Variants in UBAC2 observed in about 807,000 individuals in gnomAD.
UBAC2 encodes ubiquitin-associated domain-containing protein 2.
In UBAC2, 26 loss-of-function variants were observed where a neutral mutation model predicts 44.0. That is an observed-to-expected ratio of 0.59 (90% CI 0.43 to 0.82). The LOEUF is 0.82. UBAC2 is among the 40% of genes least tolerant of loss of function. The probability of loss-of-function intolerance (pLI) is 0.00; values close to 1 mark genes in which losing one functional copy is unlikely to be tolerated. For synonymous variants in UBAC2, 155 were observed against 154.3 expected, an observed-to-expected ratio of 1.00 and a Z score of -0.04; for missense variants, 329 against 419.4, an observed-to-expected ratio of 0.78 and a Z score of 1.88.
chr13:99,285,250 A>AGCT (rs377214854), intron 4 of UBAC2, among the ~76,000 whole-genome samples: 24 of 151,966 alleles, frequency 1.6e-4, no homozygotes, highest in South Asian at 1.5e-3. Context: ...TGTCTTAAGT[A>AGCT]GCTGCTGCTG....
intron 8 of UBAC2, among the ~76,000 whole-genome samples, chr13:99,381,657 C>T (rs927578365): frequency 1.3e-5 from 2 of 152,152 alleles, no homozygotes; most frequent in African/African-American, 2.4e-5. Flanking sequence ...CAGGTTATTT[C>T]CACCCAAGAT....
chr13:99,314,323 TC>T (rs2044458506), intron 5 of UBAC2, 103 bp downstream of exon 5: 2 of 1,353,710 alleles, frequency 1.5e-6, no homozygotes, highest in Non-Finnish European at 2.0e-6. Context: ...ATGGTTTTTT[TC>T]CCCCCATAAT....
At chr13:99,231,226 G>C (rs1269502256) in intron 1 of UBAC2, among the ~76,000 whole-genome samples, 4 of 152,120 alleles carry the variant, frequency 2.6e-5, no homozygotes, top group African/African-American at 9.7e-5. Flanking sequence ...TGGGGAGCCA[G>C]TATTCTATCA....
At chr13:99,340,037 G>A (rs956348188) in intron 6 of UBAC2, among the ~76,000 whole-genome samples, 3 of 152,168 alleles carry the variant, frequency 2.0e-5, no homozygotes, top group African/African-American at 7.2e-5. Flanking sequence ...TGAAGACAGT[G>A]TCTTGACAAT....
intron 6 of UBAC2, among the ~76,000 whole-genome samples, chr13:99,327,178 A>C (rs2044651229): frequency 6.6e-6 from 1 of 152,224 alleles, no homozygotes; most frequent in Middle Eastern, 3.2e-3. Flanking sequence ...TTGCATTGTC[A>C]TACTCAATCT....
intron 4 of UBAC2, among the ~76,000 whole-genome samples, chr13:99,248,133 C>T (rs1322056976): frequency 6.6e-6 from 1 of 152,200 alleles, no homozygotes; most frequent in African/African-American, 2.4e-5. Flanking sequence ...TTGATTTCAA[C>T]TACAGTGAAC....
At chr13:99,227,621 C>G (rs1172543025) in intron 1 of UBAC2, among the ~76,000 whole-genome samples, 2 of 152,168 alleles carry the variant, frequency 1.3e-5, no homozygotes, top group Non-Finnish European at 2.9e-5. Flanking sequence ...TAGTTCATTT[C>G]TCATAGGATT....
intron 5 of UBAC2, 61 bp from the exon 6 acceptor site, chr13:99,317,961 A>C (rs2138775827): frequency 7.5e-7 from 1 of 1,341,972 alleles, no homozygotes; most frequent in Non-Finnish European, 1.1e-6. Flanking sequence ...ATGTAAAAAT[A>C]AGTGTGCTGT....
At chr13:99,349,611 C>A (rs1374801669) in intron 7 of UBAC2, among the ~76,000 whole-genome samples, 1 of 152,218 alleles carries the variant, frequency 6.6e-6, no homozygotes, top group Non-Finnish European at 1.5e-5. Context: ...CAGGGGGGCC[C>A]TTCCCTCTTA....
chr13:99,369,406 C>T (rs888234580), intron 8 of UBAC2, among the ~76,000 whole-genome samples: 2 of 152,124 alleles, frequency 1.3e-5, no homozygotes, highest in East Asian at 1.9e-4. Flanking sequence ...TGCTGGGCAG[C>T]GACTGTGAAC....
chr13:99,258,757 T>C (rs144723805), intron 4 of UBAC2, among the ~76,000 whole-genome samples: 16 of 152,334 alleles, frequency 1.1e-4, no homozygotes, highest in African/African-American at 3.8e-4. Flanking sequence ...AGTAGGATTG[T>C]AGGGGCCCTA....
chr13:99,358,735 C>T (rs1002881768), intron 7 of UBAC2, among the ~76,000 whole-genome samples: 6 of 151,998 alleles, frequency 3.9e-5, no homozygotes, highest in Admixed American at 2.6e-4. Flanking sequence ...GAGACAGTGG[C>T]GGGGGAGTTC....
intron 4 of UBAC2, 142 bp from the exon 5 acceptor site, chr13:99,313,955 C>G (rs145507019): frequency 2.7e-6 from 2 of 729,638 alleles, no homozygotes; most frequent in African/African-American, 3.6e-5. Context: ...GGACATGAAT[C>G]ATATTTGAAA....
intron 4 of UBAC2, among the ~76,000 whole-genome samples, chr13:99,306,935 A>T (rs899446990): frequency 1.3e-5 from 2 of 152,176 alleles, no homozygotes; most frequent in African/African-American, 4.8e-5. Flanking sequence ...AAATAATCTT[A>T]TATTTCTAAT....
At chr13:99,254,627 T>G in intron 4 of UBAC2, 1 of 365,250 alleles carries the variant, frequency 2.7e-6, no homozygotes, top group African/African-American at 2.1e-5. Context: ...TTAACACACA[T>G]GTGTCGCTTG....
At chr13:99,302,236 A>G (rs1482848432) in intron 4 of UBAC2, among the ~76,000 whole-genome samples, 1 of 152,222 alleles carries the variant, frequency 6.6e-6, no homozygotes, top group Non-Finnish European at 1.5e-5. Flanking sequence ...GATCTGATAC[A>G]CTGTCCTTGG....
chr13:99,308,805 T>C (rs9517678), intron 4 of UBAC2: 20,973 of 152,150 alleles, frequency 0.14, 1,698 homozygotes, highest in East Asian at 0.33. Context: ...GTGTATAAAA[T>C]AAAGGTATTG....
chr13:99,241,922 A>G (rs2043305539), intron 2 of UBAC2, among the ~76,000 whole-genome samples: 1 of 149,800 alleles, frequency 6.7e-6, no homozygotes, highest in African/African-American at 2.5e-5. Context: ...ACTTGAGATT[A>G]GGGAGTGGTG....
chr13:99,282,771 G>C (rs2043970667), intron 4 of UBAC2, among the ~76,000 whole-genome samples: 2 of 152,132 alleles, frequency 1.3e-5, no homozygotes, highest in African/African-American at 4.8e-5. Context: ...TTAGATCATT[G>C]TATTGTTCTA....
Sources: gnomAD v4.1 joint callset for allele counts (sites outside exome capture counted in the v4.1 genomes callset) on GRCh38, gnomAD v4.1.1 for gene constraint, MANE v1.5 for transcripts, NCBI Gene and HGNC (gene_info 2026-07-23, HGNC 2026-07-21) for gene names.